The following ANKS1B variants were observed in gnomAD, a reference collection of about 807,000 sequenced individuals.
ANKS1B encodes ankyrin repeat and sterile alpha motif domain-containing protein 1B.
Under a neutral mutation model 148.3 loss-of-function variants are expected in ANKS1B, and 36 were observed. That is an observed-to-expected ratio of 0.24 (90% confidence interval 0.19 to 0.32). The LOEUF (loss-of-function observed/expected upper bound fraction) is 0.32. Ranked by LOEUF, ANKS1B falls within the 10% of genes least tolerant of loss-of-function variation. The pLI is 1.00. For missense variants in ANKS1B, 1,157 were observed against 1,542.6 expected (o/e 0.75, Z 4.19); for synonymous variants, 542 against 560.8 (o/e 0.97, Z 0.47).
intron 8 of ANKS1B, among the ~76,000 whole-genome samples, chr12:99,692,735 G>A (rs117923270): frequency 1.1e-4 from 17 of 151,858 alleles, no homozygotes; most frequent in Non-Finnish European, 1.9e-4. Flanking sequence ...TTGACTTGAC[G>A]AACTAAGCTG....
At position 99,256,220 on chromosome 12, in the gene ANKS1B, A is replaced by G. The variant is rs192551399; in HGVS notation, c.1757-9356T>C. 1.3e-3 allele frequency among the ~76,000 whole-genome samples: 195 copies of G among 151,372 alleles called. 4 individuals are homozygous for G. The South Asian group carries it at 0.021, about 16-fold the overall frequency. On this transcript the variant is annotated intron_variant, in intron 12 of 26. Transcript: ENST00000683438. ...TGCCGAGTTCGTGTCACTGCACTCC[A>G]GCCTGGGTGACGGAGTGAAACTCCA... is the stretch of plus-strand genomic sequence containing the variant.
chr12:98,872,377 A>C (rs1567377747), intron 17 of ANKS1B, among the ~76,000 whole-genome samples: 1 of 152,154 alleles, frequency 6.6e-6, no homozygotes, highest in Non-Finnish European at 1.5e-5. Flanking sequence ...TGTCTCTACT[A>C]AAAATACAAA....
chr12:98,831,947 T>G, intron 18 of ANKS1B, 82 bp downstream of exon 18: 1 of 1,306,528 alleles, frequency 7.7e-7, no homozygotes. Flanking sequence ...AGGCAGGGTC[T>G]CACCATGTTG....
chr12:99,554,820 TG>T (rs769591493), intron 9 of ANKS1B, among the ~76,000 whole-genome samples: 2 of 152,158 alleles, frequency 1.3e-5, no homozygotes, highest in African/African-American at 2.4e-5. Flanking sequence ...AATATCCAAT[TG>T]GTAGTTTTTC....
At chr12:99,852,817 C>G (rs2088181649) in intron 1 of ANKS1B, among the ~76,000 whole-genome samples, 3 of 152,216 alleles carry the variant, frequency 2.0e-5, no homozygotes, top group Admixed American at 2.0e-4. Flanking sequence ...TAGCCTGAGG[C>G]AAGTTCTCCA....
intron 8 of ANKS1B, among the ~76,000 whole-genome samples, chr12:99,690,880 C>G (rs573462490): frequency 6.6e-6 from 1 of 152,214 alleles, no homozygotes; most frequent in Admixed American, 6.5e-5. Context: ...AGGCTTCAAC[C>G]CCACATTTTC....
chr12:99,238,436 A>C (rs1028953912), intron 14 of ANKS1B, among the ~76,000 whole-genome samples: 1 of 152,248 alleles, frequency 6.6e-6, no homozygotes, highest in Non-Finnish European at 1.5e-5. Context: ...ACTGCAGCTT[A>C]GCAAGGCCTA....
chr12:98,825,944 A>AT (rs1364210154), intron 19 of ANKS1B, among the ~76,000 whole-genome samples: 4 of 152,234 alleles, frequency 2.6e-5, no homozygotes, highest in Non-Finnish European at 5.9e-5. Flanking sequence ...GAGATAACAG[A>AT]TGTCAAAGTA....
chr12:99,452,085 C>T (rs1376858216), intron 10 of ANKS1B, among the ~76,000 whole-genome samples: 2 of 151,900 alleles, frequency 1.3e-5, no homozygotes, highest in Non-Finnish European at 2.9e-5. Flanking sequence ...TGTAAAGGGC[C>T]AGATGGTAAA....
intron 12 of ANKS1B, among the ~76,000 whole-genome samples, chr12:99,331,858 A>G (rs2087623326): frequency 6.6e-6 from 1 of 151,994 alleles, no homozygotes; most frequent in Non-Finnish European, 1.5e-5. Context: ...TGTAGAGAAA[A>G]ATCACACAGA....
At chr12:99,537,384 GT>G (rs145616286) in intron 9 of ANKS1B, among the ~76,000 whole-genome samples, 1,979 of 152,214 alleles carry the variant, frequency 0.013, 47 homozygotes, top group African/African-American at 0.046. Context: ...CACTAACAGT[GT>G]ATAAGGTTTT....
intron 12 of ANKS1B, among the ~76,000 whole-genome samples, chr12:99,391,593 A>G (rs2094072580): frequency 6.6e-6 from 1 of 151,988 alleles, no homozygotes; most frequent in African/African-American, 2.4e-5. Flanking sequence ...CTGAGTAAAC[A>G]TATTTATTTA....
At chr12:99,461,034 G>A (rs1036468755) in intron 10 of ANKS1B, among the ~76,000 whole-genome samples, 7 of 150,686 alleles carry the variant, frequency 4.6e-5, no homozygotes, top group African/African-American at 1.7e-4. Flanking sequence ...AGAAAATGTG[G>A]TGGATATATA....
At position 99,867,841 on chromosome 12, in the gene ANKS1B, G is replaced by A. The variant is rs560912902; in HGVS notation, c.135-42452C>T. On this transcript the variant is annotated intron_variant, in intron 1 of 26. Transcript: ENST00000683438. ...TTGAAGCCAGGATAGTATTAATATC[G>A]CAGCCTCACAAGAACATTGCAAAAA... is the stretch of plus-strand genomic sequence containing the variant. 3.3e-5 allele frequency among the ~76,000 whole-genome samples: 5 copies of A among 152,196 alleles called. No homozygotes were observed. The East Asian group carries it at 5.8e-4, about 18-fold the overall frequency.
chr12:99,752,632 T>C (rs11110025), intron 8 of ANKS1B, among the ~76,000 whole-genome samples: 36,533 of 151,884 alleles, frequency 0.24, 4,647 homozygotes, highest in African/African-American at 0.29. Context: ...TTTTATGTTT[T>C]GTAGGATATT....
At chr12:98,735,690 A>G (rs984770978) in intron 9 of ANKS1B, 1 of 709,076 alleles carries the variant, frequency 1.4e-6, no homozygotes. Flanking sequence ...GCATTTGTTT[A>G]ATAAATATTG....
chr12:99,975,293 G>A (rs61941606), intron 1 of ANKS1B, among the ~76,000 whole-genome samples: 8,716 of 152,204 alleles, frequency 0.057, 367 homozygotes, highest in Admixed American at 0.1. Context: ...ATGAAAATAC[G>A]AAAAGAGCTG....
At chr12:98,875,831 A>T (rs2099687757) in intron 17 of ANKS1B, among the ~76,000 whole-genome samples, 1 of 152,160 alleles carries the variant, frequency 6.6e-6, no homozygotes, top group Non-Finnish European at 1.5e-5. Flanking sequence ...AGCATAGTGG[A>T]GGCAGAAATA....
chr12:99,264,851 T>C (rs1409766846), intron 12 of ANKS1B, among the ~76,000 whole-genome samples: 2 of 152,136 alleles, frequency 1.3e-5, no homozygotes, highest in Non-Finnish European at 2.9e-5. Context: ...TCTGCCATAT[T>C]GCACAACTCT....
Sources: allele counts gnomAD v4.1 joint callset (sites outside exome capture counted in the v4.1 genomes callset), GRCh38; gene constraint gnomAD v4.1.1; transcripts MANE v1.5; gene names NCBI Gene and HGNC (gene_info 2026-07-23, HGNC 2026-07-21).